The following NR2F1-AS1 variants were observed in gnomAD, a reference collection of about 807,000 sequenced individuals.
NR2F1-AS1 encodes the protein NR2F1 regulatory antisense RNA 1, also known as NR2F1 antisense RNA 1.
chr5:93,584,827 GGCA>G (rs1478029378), upstream of NR2F1-AS1: 3 of 157,152 alleles, frequency 1.9e-5, no homozygotes, highest in East Asian at 1.9e-4. Flanking sequence ...CAGTAGCGGC[GGCA>G]GCGGCGGCGG....
intron 4 of NR2F1-AS1, among the ~76,000 whole-genome samples, chr5:93,479,293 C>T (rs1408674133): frequency 6.6e-6 from 1 of 152,126 alleles, no homozygotes; most frequent in Non-Finnish European, 1.5e-5. Context: ...ATGGTTCAAC[C>T]ATGATGGGCT....
upstream of NR2F1-AS1, among the ~76,000 whole-genome samples, chr5:93,581,908 GTCTCTCTC>G (rs368238145): frequency 6.8e-4 from 27 of 39,674 alleles, no homozygotes; most frequent in African/African-American, 2.3e-3. Flanking sequence ...CTCTCTCTGG[GTCTCTCTC>G]TCTCTCTCTC....
At chr5:93,494,579 C>T (rs1750920275) in intron 4 of NR2F1-AS1, among the ~76,000 whole-genome samples, 1 of 152,172 alleles carries the variant, frequency 6.6e-6, no homozygotes. Context: ...CACGCCACTG[C>T]ACTCCAGCCT....
intron 4 of NR2F1-AS1, among the ~76,000 whole-genome samples, chr5:93,417,933 A>T (rs978688617): frequency 6.6e-6 from 1 of 152,130 alleles, no homozygotes; most frequent in South Asian, 2.1e-4. Flanking sequence ...CAGGTGTCAG[A>T]GGGGGCCACC....
rs542714630 is a variant in NR2F1-AS1, at chr5:93,498,063, C to A, written n.638+55698G>T. Among the ~76,000 whole-genome samples the A allele has an allele frequency of 9.9e-5, 15 of 152,142 alleles. No individual in the cohort carries two copies. In the South Asian group the frequency reaches 1.7e-3, roughly 17 times the overall value. On this transcript the variant is annotated intron_variant and non_coding_transcript_variant, in intron 4 of 5. Transcript: ENST00000660523. The stretch of plus-strand genomic sequence containing the variant: ...TTATGGCCAGGCACAGTGGCTCATG[C>A]CTGTAATCCCAGCACTTTAGGAGGC...
At chr5:93,462,935 C>T (rs1750130325) in intron 4 of NR2F1-AS1, among the ~76,000 whole-genome samples, 1 of 152,130 alleles carries the variant, frequency 6.6e-6, no homozygotes, top group Non-Finnish European at 1.5e-5. Context: ...CACATAAGTT[C>T]AGAAAATTTG....
At chr5:93,522,640 G>A (rs1751525878) in intron 4 of NR2F1-AS1, among the ~76,000 whole-genome samples, 2 of 152,206 alleles carry the variant, frequency 1.3e-5, no homozygotes, top group African/African-American at 4.8e-5. Context: ...TTTCAACTGA[G>A]GTATGCAGCT....
At chr5:93,565,058 A>C (rs1752585548) in intron 1 of NR2F1-AS1, among the ~76,000 whole-genome samples, 2 of 152,190 alleles carry the variant, frequency 1.3e-5, no homozygotes, top group South Asian at 4.1e-4. Flanking sequence ...TCTTAAGAAT[A>C]ATCAGAAAAA....
intron 4 of NR2F1-AS1, among the ~76,000 whole-genome samples, chr5:93,444,177 TG>T (rs2149853665): frequency 6.6e-6 from 1 of 152,252 alleles, no homozygotes; most frequent in Admixed American, 6.5e-5. Flanking sequence ...ATCATAATGA[TG>T]GGATCAAATT....
intron 4 of NR2F1-AS1, among the ~76,000 whole-genome samples, chr5:93,501,133 G>A (rs1460915586): frequency 6.6e-6 from 1 of 152,048 alleles, no homozygotes; most frequent in Admixed American, 6.6e-5. Flanking sequence ...GATGACTGAG[G>A]GGTTCAAGAT....
chr5:93,468,264 C>T (rs933906571), intron 4 of NR2F1-AS1, among the ~76,000 whole-genome samples: 5 of 152,192 alleles, frequency 3.3e-5, no homozygotes, highest in Non-Finnish European at 5.9e-5. Context: ...AATTTACACT[C>T]CCACCAACAG....
At position 93,532,046 on chromosome 5, in the gene NR2F1-AS1, T is replaced by C. The variant is rs564561838; in HGVS notation, n.638+21715A>G. 1.2e-4 allele frequency among the ~76,000 whole-genome samples: 18 copies of C among 152,296 alleles called. 1 individual carries two copies. The East Asian group carries it at 3.5e-3, about 29-fold the overall frequency. ...ACACACACAGTTAAATATCATAACA[T>C]ATACTTATAGATAAGCTCACTAATC... On this transcript the variant is annotated intron_variant and non_coding_transcript_variant, in intron 4 of 5. Transcript: ENST00000660523.
At chr5:93,531,370 G>A (rs1751732803) in intron 4 of NR2F1-AS1, among the ~76,000 whole-genome samples, 1 of 152,088 alleles carries the variant, frequency 6.6e-6, no homozygotes, top group Non-Finnish European at 1.5e-5. Flanking sequence ...AAGCACATTG[G>A]AAAGTCCCAT....
chr5:93,449,643 C>A (rs1379153551), intron 4 of NR2F1-AS1, among the ~76,000 whole-genome samples: 2 of 152,056 alleles, frequency 1.3e-5, no homozygotes, highest in Non-Finnish European at 2.9e-5. Flanking sequence ...TTTTAAAATT[C>A]TGTTGTAAAC....
chr5:93,545,800 A>G (rs2149908819), intron 4 of NR2F1-AS1, among the ~76,000 whole-genome samples: 1 of 152,342 alleles, frequency 6.6e-6, no homozygotes, highest in Middle Eastern at 3.4e-3. Context: ...TTCTACCCAC[A>G]TAATTCACAT....
At chr5:93,431,290 T>C (rs999944145) in intron 4 of NR2F1-AS1, among the ~76,000 whole-genome samples, 2 of 150,032 alleles carry the variant, frequency 1.3e-5, no homozygotes, top group Non-Finnish European at 3.0e-5. Flanking sequence ...GAGATGATGG[T>C]GGGGGGGAGA....
intron 4 of NR2F1-AS1, among the ~76,000 whole-genome samples, chr5:93,502,206 A>G (rs1322850891): frequency 1.3e-5 from 2 of 152,260 alleles, no homozygotes; most frequent in African/African-American, 4.8e-5. Context: ...GACTCACTTT[A>G]TCGCAATATC....
chr5:93,519,634 T>A (rs1197624029), intron 4 of NR2F1-AS1, among the ~76,000 whole-genome samples: 2 of 151,998 alleles, frequency 1.3e-5, no homozygotes, highest in Non-Finnish European at 1.5e-5. Context: ...AAAGGACCTC[T>A]AAAACAATGC....
At chr5:93,555,743 C>T (rs895251967) in intron 2 of NR2F1-AS1, among the ~76,000 whole-genome samples, 1 of 152,068 alleles carries the variant, frequency 6.6e-6, no homozygotes, top group African/African-American at 2.4e-5. Context: ...AGTCTCAAAT[C>T]CAGGTACATA....
Sources: allele counts gnomAD v4.1 joint callset (sites outside exome capture counted in the v4.1 genomes callset), GRCh38; gene constraint gnomAD v4.1.1; transcripts MANE v1.5; gene names NCBI Gene and HGNC (gene_info 2026-07-23, HGNC 2026-07-21).